Variants in PPP6R3 observed in about 807,000 individuals in gnomAD.
PPP6R3 encodes serine/threonine-protein phosphatase 6 regulatory subunit 3.
PPP6R3 carries 38 observed loss-of-function variants against 110.7 expected under a neutral mutation model. That is an observed-to-expected ratio of 0.34 (90% CI 0.26 to 0.45). PPP6R3 has a LOEUF of 0.45. PPP6R3 is among the 20% of genes least tolerant of loss of function. The pLI, the probability that PPP6R3 is intolerant of heterozygous loss-of-function variation, is 1.00. For missense variants in PPP6R3, 870 were observed against 1,062.4 expected (o/e 0.82, Z 2.52); for synonymous variants, 369 against 373.5 (o/e 0.99, Z 0.14).
Position 68,614,040 on chromosome 11 carries a change from A to G in PPP6R3, c.*923A>G. On this transcript the variant is annotated 3_prime_UTR_variant, in exon 24 of 24. Coordinates refer to ENST00000393800, the MANE Select transcript of PPP6R3 (RefSeq NM_001164161.2). ...ACATTTCAGAGCAATCTGCATATTT[A>G]ACAGACCTAAAATAAATCCTATTAG... 1 of 985,624 alleles carries G rather than the reference A, an allele frequency of 1.0e-6. No individual in the cohort carries two copies. Among genetic ancestry groups the G allele is most frequent in the Non-Finnish European group, 1.2e-6 (1 of 829,906 alleles). The allele number at this position is 985,624 out of a possible 1,614,324, so 61.1% of individuals were successfully genotyped here. A position where few individuals can be genotyped will look rare whatever the true frequency, so the allele number is the denominator to read the frequency against.
At chr11:68,588,201 AAAAT>A (rs2099584624) in intron 16 of PPP6R3, among the ~76,000 whole-genome samples, 177 bp downstream of exon 16, 1 of 152,122 alleles carries the variant, frequency 6.6e-6, no homozygotes, top group African/African-American at 2.4e-5. Flanking sequence ...ATTAGGACTT[AAAAT>A]AACACTGCAG....
chr11:68,594,336 GAGA>G, intron 18 of PPP6R3, among the ~76,000 whole-genome samples: 1 of 103,540 alleles, frequency 9.7e-6, no homozygotes, highest in African/African-American at 4.4e-5. Flanking sequence ...GAGAGAGAGT[GAGA>G]GAGAGAGTGA....
chr11:68,519,440 C>G (rs1383141149), intron 1 of PPP6R3, 61 bp from the exon 2 acceptor site: 1 of 392,336 alleles, frequency 2.5e-6, no homozygotes, highest in Non-Finnish European at 4.5e-6. Context: ...GCTTTAATGG[C>G]AGCTATCATC....
At chr11:68,582,493 C>G (rs893308902) in intron 14 of PPP6R3, among the ~76,000 whole-genome samples, 1 of 152,150 alleles carries the variant, frequency 6.6e-6, no homozygotes, top group Non-Finnish European at 1.5e-5. Context: ...GATTTGGGGT[C>G]TTTTGTGAGT....
At position 68,614,753 on chromosome 11, in the gene PPP6R3, C is replaced by A. The variant is rs1944899642; in HGVS notation, c.*1636C>A. On this transcript the variant is annotated 3_prime_UTR_variant, in exon 24 of 24. Transcript: ENST00000393800. The stretch of plus-strand genomic sequence containing the variant: ...CAGGAACCCCCTTTCCCGGGTGAGC[C>A]CCTCTCTGAAGAGACTGTCCTTGGG... 3.3e-6 allele frequency: 5 copies of A among 1,538,202 alleles called. No homozygotes were observed. Among genetic ancestry groups the A allele is most frequent in the Non-Finnish European group, 4.4e-6 (5 of 1,138,446 alleles).
chr11:68,495,943 C>T (rs1001121798), intron 1 of PPP6R3, among the ~76,000 whole-genome samples: 1 of 152,168 alleles, frequency 6.6e-6, no homozygotes, highest in Admixed American at 6.5e-5. Flanking sequence ...TTTTACATTC[C>T]CACCAGCAAT....
chr11:68,546,003 T>G (rs556449225), intron 4 of PPP6R3, among the ~76,000 whole-genome samples: 1 of 152,320 alleles, frequency 6.6e-6, no homozygotes, highest in South Asian at 2.1e-4. Flanking sequence ...GGTGACCCAT[T>G]GTTGCTATCA....
In PPP6R3 at chr11:68,613,435, A is replaced by T; in HGVS notation, c.*318A>T. ...ATACTATAGTTAAAATGGCTGTAAG[A>T]ATAGTTTTATAAAAGTGAATACACA... On this transcript the variant is annotated 3_prime_UTR_variant, in exon 24 of 24. Coordinates refer to ENST00000393800, the MANE Select transcript of PPP6R3 (RefSeq NM_001164161.2). 9.5e-7 allele frequency: 1 copy of T among 1,047,318 alleles called. No individual in the cohort carries two copies. 64.9% of individuals were successfully genotyped at this position (1,047,318 alleles called of 1,614,324 possible).
intron 2 of PPP6R3, among the ~76,000 whole-genome samples, chr11:68,529,410 A>C (rs1592612871): frequency 6.6e-6 from 1 of 152,022 alleles, no homozygotes; most frequent in African/African-American, 2.4e-5. Flanking sequence ...GTAGAGATGG[A>C]GTTTCACCAT....
intron 13 of PPP6R3, among the ~76,000 whole-genome samples, chr11:68,574,719 G>A (rs2099523705): frequency 6.6e-6 from 1 of 152,170 alleles, no homozygotes; most frequent in Admixed American, 6.5e-5. Flanking sequence ...GACTCTTTCT[G>A]TATAGCATTT....
chr11:68,486,672 T>G (rs1371799684), intron 1 of PPP6R3, among the ~76,000 whole-genome samples: 1 of 151,618 alleles, frequency 6.6e-6, no homozygotes, highest in Non-Finnish European at 1.5e-5. Context: ...TTTTAGAGAA[T>G]TGGTATTATT....
intron 7 of PPP6R3, among the ~76,000 whole-genome samples, chr11:68,556,561 A>C (rs1236247882): frequency 2.0e-5 from 3 of 151,966 alleles, no homozygotes; most frequent in Non-Finnish European, 4.4e-5. Context: ...GAAAAAAAAA[A>C]ACAATGAGCC....
chr11:68,512,013 GT>G (rs1321975663), intron 1 of PPP6R3, among the ~76,000 whole-genome samples: 1 of 152,044 alleles, frequency 6.6e-6, no homozygotes, highest in African/African-American at 2.4e-5. Flanking sequence ...GCTCTCCTTA[GT>G]TTTAGTGGAG....
At chr11:68,463,377 AG>A (rs2153220931) in intron 1 of PPP6R3, among the ~76,000 whole-genome samples, 1 of 150,578 alleles carries the variant, frequency 6.6e-6, no homozygotes, top group African/African-American at 2.5e-5. Context: ...AAAAAAAAAA[AG>A]ATAGGGCTTT....
chr11:68,510,584 C>T (rs560993122), intron 1 of PPP6R3, among the ~76,000 whole-genome samples: 88 of 152,218 alleles, frequency 5.8e-4, no homozygotes, highest in African/African-American at 2.0e-3. Flanking sequence ...GATCCTCCTG[C>T]CTTGGTCTCT....
chr11:68,479,067 G>A (rs964507646), intron 1 of PPP6R3, among the ~76,000 whole-genome samples: 12 of 152,158 alleles, frequency 7.9e-5, no homozygotes, highest in Non-Finnish European at 1.3e-4. Flanking sequence ...GACAGTCTGC[G>A]GTTGCTAGAC....
chr11:68,587,539 CTTG>C, intron 15 of PPP6R3: 1 of 236,948 alleles, frequency 4.2e-6, no homozygotes, highest in South Asian at 5.0e-5. Context: ...GTGGTCACCA[CTTG>C]TTGGATCTTA....
chr11:68,596,029 T>C, intron 18 of PPP6R3, 68 bp from the exon 19 acceptor site: 2 of 1,596,726 alleles, frequency 1.3e-6, no homozygotes, highest in Non-Finnish European at 1.7e-6. Context: ...GGATGACTGT[T>C]AGAATTTTCT....
rs190616231 is a variant in PPP6R3 at position 68,607,472 on chromosome 11, T to G, written c.2451-2432T>G. 3.2e-4 allele frequency among the ~76,000 whole-genome samples: 49 copies of G among 152,338 alleles called. 1 individual carries two copies. Among genetic ancestry groups the G allele is most frequent in the Admixed American group, 2.8e-3 (43 of 15,300 alleles). On this transcript the variant is annotated intron_variant, in intron 22 of 23. Coordinates refer to ENST00000393800, the MANE Select transcript of PPP6R3 (RefSeq NM_001164161.2). Reference sequence around the variant, plus strand: ...TAAGAAAAACATGTGCAGTGCTTTCTGTGGACCAGGCCCTGCTCTCTACAC... The same window carrying G: ...TAAGAAAAACATGTGCAGTGCTTTCGGTGGACCAGGCCCTGCTCTCTACAC...
Sources: allele counts gnomAD v4.1 joint callset (sites outside exome capture counted in the v4.1 genomes callset), GRCh38; gene constraint gnomAD v4.1.1; transcripts MANE v1.5; gene names NCBI Gene and HGNC (gene_info 2026-07-23, HGNC 2026-07-21).